Variants in RAB11FIP4 observed in about 807,000 individuals in gnomAD.
RAB11FIP4 encodes rab11 family-interacting protein 4.
RAB11FIP4 carries 23 observed loss-of-function variants against 74.3 expected under a neutral mutation model. That is an observed-to-expected ratio of 0.31 (90% CI 0.22 to 0.44). The LOEUF is 0.44. RAB11FIP4 is among the 20% of genes least tolerant of loss of function. The probability of loss-of-function intolerance (pLI) is 1.00; values close to 1 mark genes in which losing one functional copy is unlikely to be tolerated. For missense variants in RAB11FIP4, 630 were observed against 863.9 expected, an observed-to-expected ratio of 0.73 and a Z score of 3.39; for synonymous variants, 360 against 359.9, an observed-to-expected ratio of 1.00 and a Z score of 0.00.
At chr17:31,473,278 G>A (rs973146224) in intron 3 of RAB11FIP4, among the ~76,000 whole-genome samples, 23 of 151,806 alleles carry the variant, frequency 1.5e-4, no homozygotes, top group Non-Finnish European at 4.4e-5. Context: ...AGTGGCTCAC[G>A]CTTATAATCC....
chr17:31,449,757 G>A (rs2071507336), intron 3 of RAB11FIP4, among the ~76,000 whole-genome samples: 1 of 152,156 alleles, frequency 6.6e-6, no homozygotes, highest in Admixed American at 6.5e-5. Flanking sequence ...CCAGGCTGGA[G>A]TGCAGTAGTG....
intron 3 of RAB11FIP4, among the ~76,000 whole-genome samples, chr17:31,481,526 G>A (rs193262435): frequency 6.6e-6 from 1 of 152,266 alleles, no homozygotes; most frequent in Non-Finnish European, 1.5e-5. Flanking sequence ...GGTGGGGAGG[G>A]TGAGGTGTTT....
chr17:31,521,771 G>A (rs1388745439), intron 5 of RAB11FIP4, 144 bp from the exon 6 acceptor site: 3 of 871,890 alleles, frequency 3.4e-6, no homozygotes, highest in African/African-American at 3.4e-5. Flanking sequence ...GGGATGATCT[G>A]TTGCTATATT....
chr17:31,411,228 A>G (rs960015978), intron 1 of RAB11FIP4, among the ~76,000 whole-genome samples: 16 of 152,202 alleles, frequency 1.1e-4, no homozygotes, highest in East Asian at 5.8e-4. Flanking sequence ...GCCAGGCGTG[A>G]TGGCGGGCGC....
At chr17:31,467,334 G>A (rs1326550864) in intron 3 of RAB11FIP4, among the ~76,000 whole-genome samples, 1 of 152,114 alleles carries the variant, frequency 6.6e-6, no homozygotes, top group Non-Finnish European at 1.5e-5. Flanking sequence ...GGCCAGGCTG[G>A]TCTCGAATGC....
intron 3 of RAB11FIP4, among the ~76,000 whole-genome samples, chr17:31,498,740 A>G (rs2072163298): frequency 1.3e-5 from 2 of 152,138 alleles, no homozygotes; most frequent in Admixed American, 1.3e-4. Context: ...GGAAAGTTCC[A>G]TGTCACCTCT....
intron 3 of RAB11FIP4, among the ~76,000 whole-genome samples, chr17:31,500,307 C>T (rs1306026616): frequency 1.3e-5 from 2 of 152,166 alleles, no homozygotes; most frequent in Non-Finnish European, 2.9e-5. Flanking sequence ...TGTCACAGGC[C>T]AGCTGGCGTC....
At chr17:31,502,445 G>C (rs1172734390) in intron 3 of RAB11FIP4, among the ~76,000 whole-genome samples, 4 of 151,908 alleles carry the variant, frequency 2.6e-5, no homozygotes. Context: ...TGGGCGTGCT[G>C]GTGGGCACCT....
intron 1 of RAB11FIP4, among the ~76,000 whole-genome samples, chr17:31,415,817 C>T (rs373758071): frequency 3.5e-4 from 53 of 152,148 alleles, no homozygotes; most frequent in African/African-American, 1.1e-3. Context: ...CCCCTGCGGA[C>T]GGTCTCCGCA....
chr17:31,428,230 G>A (rs1337192270), intron 1 of RAB11FIP4, among the ~76,000 whole-genome samples: 3 of 152,228 alleles, frequency 2.0e-5, no homozygotes, highest in Non-Finnish European at 4.4e-5. Context: ...CCAGGCCACC[G>A]GCAGTGACCA....
intron 3 of RAB11FIP4, among the ~76,000 whole-genome samples, chr17:31,451,120 T>C (rs914606725): frequency 6.6e-6 from 1 of 152,158 alleles, no homozygotes; most frequent in Non-Finnish European, 1.5e-5. Context: ...GCATTCTCTC[T>C]TGTTTTTTGT....
intron 3 of RAB11FIP4, chr17:31,509,401 T>G (rs892015104): frequency 6.6e-6 from 1 of 152,206 alleles, no homozygotes; most frequent in Non-Finnish European, 1.5e-5. Context: ...CTACACAAGA[T>G]CCACTCCTAG....
At chr17:31,477,381 A>T (rs2071803965) in intron 3 of RAB11FIP4, among the ~76,000 whole-genome samples, 1 of 152,218 alleles carries the variant, frequency 6.6e-6, no homozygotes, top group African/African-American at 2.4e-5. Context: ...GGGCTGAGGA[A>T]GGAGCCTGGG....
At chr17:31,528,362 C>G in intron 11 of RAB11FIP4, 44 bp from the exon 12 acceptor site, 3 of 1,592,810 alleles carry the variant, frequency 1.9e-6, no homozygotes, top group Non-Finnish European at 8.5e-7. Context: ...TAGTGAGCCC[C>G]TCTCTGGGAA....
At position 31,517,725 on chromosome 17, in the gene RAB11FIP4, C is replaced by T. The variant is rs1460770398; in HGVS notation, c.411C>T (p.Asp137=). The T allele has an allele frequency of 9.4e-6, 15 of 1,601,236 alleles. No homozygotes were observed. The highest frequency in any genetic ancestry group is 2.2e-5 in the East Asian group (1 of 44,590). The change falls in exon 4 of 15, where the codon GAC becomes GAT. Residue 137 remains aspartate (D), a synonymous_variant. Transcript: ENST00000621161. ...GGGAACCCGGCTTTTTTCCCGAGGA[C>T]GAGGAGGAGGCTATGACGCTGGCGC... ...IPREPGFFPE[D]EEEAMTLAPP... is the part of the protein sequence containing the mutation.
Position 31,476,423 on chromosome 17 carries a change from G to A in RAB11FIP4, c.337-41228G>A, listed in dbSNP as rs187668127. Among the ~76,000 whole-genome samples the A allele has an allele frequency of 4.8e-3, 737 of 152,188 alleles. 3 individuals carry two copies. The highest frequency in any genetic ancestry group is 8.7e-3 in the South Asian group (42 of 4,824). ...TGGTCTCAAACTCCTAACCTCAAGG[G>A]ATCCACCCACCTCGGGCTCCCAAAG... On this transcript the variant is annotated intron_variant, in intron 3 of 14. Transcript: ENST00000621161.
chr17:31,451,408 G>A (rs1410992261), intron 3 of RAB11FIP4, among the ~76,000 whole-genome samples: 3 of 146,166 alleles, frequency 2.1e-5, no homozygotes, highest in Admixed American at 7.1e-5. Flanking sequence ...GCAGTGAGCC[G>A]AGATGGCGCC....
chr17:31,473,335 T>C (rs1597938043), intron 3 of RAB11FIP4, among the ~76,000 whole-genome samples: 1 of 149,238 alleles, frequency 6.7e-6, no homozygotes, highest in Non-Finnish European at 1.5e-5. Context: ...AGGCCAGGAG[T>C]TCAAGACCAG....
At chr17:31,414,867 T>A (rs2071132447) in intron 1 of RAB11FIP4, among the ~76,000 whole-genome samples, 1 of 152,236 alleles carries the variant, frequency 6.6e-6, no homozygotes, top group Non-Finnish European at 1.5e-5. Context: ...ACTTACATGC[T>A]GAGGCAAGTG....
Sources: gnomAD v4.1 joint callset for allele counts (sites outside exome capture counted in the v4.1 genomes callset) on GRCh38, gnomAD v4.1.1 for gene constraint, MANE v1.5 for transcripts, NCBI Gene and HGNC (gene_info 2026-07-23, HGNC 2026-07-21) for gene names.